ADGRG6: variants seen among roughly 807,000 people sequenced by gnomAD.
ADGRG6 encodes adhesion G protein-coupled receptor G6, also known as G-protein coupled receptor 126.
Under a neutral mutation model 142.4 loss-of-function variants are expected in ADGRG6, and 84 were observed. The observed-to-expected ratio is 0.59, with a 90% CI of 0.49 to 0.71. ADGRG6 has a LOEUF of 0.71. Ranked by LOEUF, ADGRG6 falls within the 30% of genes least tolerant of loss-of-function variation. The pLI is 0.00. For missense variants in ADGRG6, 1,367 were observed against 1,466.6 expected, an observed-to-expected ratio of 0.93 and a Z score of 1.11; for synonymous variants, 521 against 520.5, an observed-to-expected ratio of 1.00 and a Z score of -0.01.
chr6:142,309,504 G>C (rs753337475), intron 1 of ADGRG6, 40 bp from the exon 2 acceptor site: 1 of 1,371,800 alleles, frequency 7.3e-7, no homozygotes, highest in Non-Finnish European at 1.0e-6. Flanking sequence ...ATGCTTTACT[G>C]AATGTTGAAT....
Position 142,360,591 on chromosome 6 carries a change from T to A in ADGRG6, c.104-6978T>A, listed in dbSNP as rs778397446. Among the ~76,000 whole-genome samples the A allele has an allele frequency of 9.5e-3, 1,449 of 152,300 alleles. 15 individuals carry two copies. Among genetic ancestry groups the A allele is most frequent in the Non-Finnish European group, 0.016 (1,061 of 68,020 alleles). On this transcript the variant is annotated intron_variant, in intron 2 of 24. Transcript: ENST00000367609. ...GTGGAATGGCTGGAATTAAAGCACC[T>A]CTGTTTCTCAAAAGTCTGGTTTTCT...
intron 22 of ADGRG6, among the ~76,000 whole-genome samples, chr6:142,433,225 C>A (rs1347633505): frequency 6.6e-6 from 1 of 152,166 alleles, no homozygotes; most frequent in African/African-American, 2.4e-5. Flanking sequence ...GGAGCTGCAG[C>A]CTCCGTCATC....
intron 2 of ADGRG6, among the ~76,000 whole-genome samples, chr6:142,367,005 G>GA (rs905737542): frequency 1.1e-4 from 17 of 151,690 alleles, no homozygotes; most frequent in South Asian, 8.3e-4. Flanking sequence ...TTGAATTTCA[G>GA]AAAAAAAATA....
chr6:142,420,638 T>G (rs1776617748), intron 22 of ADGRG6, among the ~76,000 whole-genome samples: 1 of 152,062 alleles, frequency 6.6e-6, no homozygotes, highest in Non-Finnish European at 1.5e-5. Context: ...TATCTTTTTA[T>G]GAGAAATGTT....
chr6:142,417,981 T>C (rs1562380932), intron 21 of ADGRG6, among the ~76,000 whole-genome samples: 2 of 152,094 alleles, frequency 1.3e-5, no homozygotes, highest in Non-Finnish European at 2.9e-5. Flanking sequence ...CACATATCTA[T>C]GCATATCTCA....
At chr6:142,308,087 C>T (rs1777591623) in intron 1 of ADGRG6, among the ~76,000 whole-genome samples, 1 of 151,940 alleles carries the variant, frequency 6.6e-6, no homozygotes, top group Non-Finnish European at 1.5e-5. Flanking sequence ...TTTGATTTCA[C>T]TGTGGACAGA....
intron 21 of ADGRG6, among the ~76,000 whole-genome samples, chr6:142,417,840 A>T (rs1776442904): frequency 6.6e-6 from 1 of 152,146 alleles, no homozygotes; most frequent in Non-Finnish European, 1.5e-5. Flanking sequence ...TAAGGGTTTT[A>T]TATTGTTCAG....
chr6:142,369,977 CTTA>C (rs1781154484), intron 3 of ADGRG6, among the ~76,000 whole-genome samples, 190 bp from the exon 4 acceptor site: 1 of 152,000 alleles, frequency 6.6e-6, no homozygotes, highest in African/African-American at 2.4e-5. Context: ...AGTAGAATTT[CTTA>C]TTATTACTGA....
intron 2 of ADGRG6, among the ~76,000 whole-genome samples, chr6:142,347,377 AAT>A (rs1329804376): frequency 6.6e-6 from 1 of 152,196 alleles, no homozygotes; most frequent in Non-Finnish European, 1.5e-5. Flanking sequence ...ACCAAATTTT[AAT>A]GTCAATTTGT....
At chr6:142,365,847 A>C (rs1780919617) in intron 2 of ADGRG6, among the ~76,000 whole-genome samples, 1 of 152,202 alleles carries the variant, frequency 6.6e-6, no homozygotes, top group Non-Finnish European at 1.5e-5. Context: ...CATATCATAG[A>C]AGAATAGTAG....
At chr6:142,397,570 C>T (rs767098959) in intron 9 of ADGRG6, 43 bp from the exon 10 acceptor site, 17 of 1,583,786 alleles carry the variant, frequency 1.1e-5, no homozygotes, top group Non-Finnish European at 1.4e-5. Flanking sequence ...TGACAAGCAA[C>T]CAATGAACAA....
intron 2 of ADGRG6, among the ~76,000 whole-genome samples, chr6:142,314,721 A>C (rs1311229243): frequency 6.6e-6 from 1 of 152,236 alleles, no homozygotes; most frequent in Admixed American, 6.5e-5. Context: ...ACTGGCCTTT[A>C]GATATCTGGA....
In ADGRG6 at chr6:142,415,918, T is replaced by C; in HGVS notation, c.2792T>C (p.Ile931Thr). 6.2e-7 allele frequency: 1 copy of C among 1,613,704 alleles called. No homozygotes were observed. The highest frequency in any genetic ancestry group is 8.5e-7 in the Non-Finnish European group (1 of 1,179,682). Residue 931 changes from isoleucine (I) to threonine (T), a missense_variant, in exon 20 of 25, where the codon ATT (isoleucine) becomes ACT (threonine). Ile to Thr is a moderately conservative substitution (Grantham distance 89, BLOSUM62 -1). This residue lies in a region of ADGRG6 where 286 missense variants were observed against 371.4 expected (regional missense o/e 0.77). Transcript: ENST00000367609. ...ITSFNVDGLC[I>T]AVAVLLHFFL... is the part of the protein sequence containing the mutation. The stretch of plus-strand genomic sequence containing the variant: ...TCCTTCAATGTGGATGGACTTTGCA[T>C]TGCTGTTGCAGTCCTGTTGCATTTC...
At chr6:142,316,745 A>G (rs1582965768) in intron 2 of ADGRG6, among the ~76,000 whole-genome samples, 1 of 152,120 alleles carries the variant, frequency 6.6e-6, no homozygotes, top group Non-Finnish European at 1.5e-5. Flanking sequence ...CAGTGGCTGC[A>G]GTAGCAGTGC....
chr6:142,353,761 A>C (rs922724034), intron 2 of ADGRG6, among the ~76,000 whole-genome samples: 3 of 152,204 alleles, frequency 2.0e-5, no homozygotes, highest in African/African-American at 7.2e-5. Context: ...TACATCACTA[A>C]AAGCTGTATA....
At chr6:142,425,715 T>A (rs1776905791) in intron 22 of ADGRG6, among the ~76,000 whole-genome samples, 1 of 152,142 alleles carries the variant, frequency 6.6e-6, no homozygotes, top group Non-Finnish European at 1.5e-5. Context: ...TAGTTCATTT[T>A]CACACTGCTG....
intron 2 of ADGRG6, among the ~76,000 whole-genome samples, chr6:142,367,238 C>A (rs1780984392): frequency 6.6e-6 from 1 of 152,102 alleles, no homozygotes; most frequent in African/African-American, 2.4e-5. Context: ...CCTCCTGAGG[C>A]CTCATTGTAC....
chr6:142,430,624 G>A (rs1184253891), intron 22 of ADGRG6, among the ~76,000 whole-genome samples: 2 of 151,958 alleles, frequency 1.3e-5, no homozygotes, highest in Admixed American at 6.6e-5. Context: ...TTTTTCCCCC[G>A]AATAGTTAAA....
chr6:142,329,068 A>G (rs1767709428), intron 2 of ADGRG6, among the ~76,000 whole-genome samples: 1 of 152,300 alleles, frequency 6.6e-6, no homozygotes, highest in Middle Eastern at 3.4e-3. Flanking sequence ...TGGGCCCTGG[A>G]AAAGTTACTT....
Sources: gnomAD v4.1 joint callset for allele counts (sites outside exome capture counted in the v4.1 genomes callset) on GRCh38, gnomAD v4.1.1 for gene constraint, gnomAD v4.1.1 regional missense constraint, MANE v1.5 for transcripts, NCBI Gene and HGNC (gene_info 2026-07-23, HGNC 2026-07-21) for gene names.